Variants in HHLA2 observed in about 807,000 individuals in gnomAD.
HHLA2 encodes the protein HHLA2 member of B7 family, also known as HERV-H LTR-associating protein 2.
A neutral mutation model predicts 45.9 loss-of-function variants in HHLA2; 48 were observed. That is an observed-to-expected ratio of 1.05 (90% confidence interval 0.83 to 1.33). The LOEUF is 1.33. Among genes scored for constraint, HHLA2 ranks in the 40% most tolerant of loss-of-function variants. HHLA2 has a pLI of 0.00. For missense variants in HHLA2, 462 were observed against 494.3 expected (o/e 0.93, Z 0.62); for synonymous variants, 161 against 173.9 (o/e 0.93, Z 0.59).
chr3:108,370,768 GTT>G (rs1379987769), intron 8 of HHLA2, among the ~76,000 whole-genome samples: 2 of 152,122 alleles, frequency 1.3e-5, no homozygotes, highest in Non-Finnish European at 2.9e-5. Context: ...GAGAAGAGAA[GTT>G]TAGAGAAAAA....
chr3:108,376,582 A>G (rs1262032181), intron 10 of HHLA2, 25 bp downstream of exon 9: 1 of 1,597,586 alleles, frequency 6.3e-7, no homozygotes, highest in East Asian at 2.2e-5. Context: ...CCTTTATCAA[A>G]CCATATACAG....
intron 3 of HHLA2, among the ~76,000 whole-genome samples, chr3:108,329,724 A>T (rs1304869372): frequency 6.6e-6 from 1 of 152,120 alleles, no homozygotes; most frequent in Non-Finnish European, 1.5e-5. Flanking sequence ...GGGCGTGTTA[A>T]CTTCTGCTGC....
chr3:108,348,334 G>A (rs1425937293), intron 3 of HHLA2, among the ~76,000 whole-genome samples: 2 of 152,084 alleles, frequency 1.3e-5, no homozygotes, highest in Non-Finnish European at 2.9e-5. Flanking sequence ...AGTTAGATGA[G>A]GACAAATAAT....
intron 9 of HHLA2, 52 bp downstream of exon 8, chr3:108,375,852 T>C: frequency 3.1e-6 from 5 of 1,592,310 alleles, no homozygotes; most frequent in Non-Finnish European, 4.3e-6. Context: ...GGAGGAGCAG[T>C]CAAAAGATAT....
chr3:108,319,181 A>G (rs1446806883), intron 2 of HHLA2, among the ~76,000 whole-genome samples: 2 of 152,118 alleles, frequency 1.3e-5, no homozygotes, highest in Non-Finnish European at 2.9e-5. Flanking sequence ...CAAAGACCCT[A>G]AAAGAAACCA....
In HHLA2 at chr3:108,340,398, C is replaced by T. The variant is rs554991790; in HGVS notation, c.-26-11390C>T. Among the ~76,000 whole-genome samples, 4 of 152,294 alleles carry T rather than the reference C, an allele frequency of 2.6e-5. No homozygotes were observed. In the East Asian group the frequency reaches 7.7e-4, roughly 29 times the overall value. On this transcript the variant is annotated intron_variant, in intron 3 of 10. Transcript: ENST00000619531. ...AAAGAAATCTTCTTATTCTATAAAT[C>T]GCTCAGCATTGGTTACACATGCTCC...
At chr3:108,300,898 A>G (rs1440131883) in intron 1 of HHLA2, among the ~76,000 whole-genome samples, 1 of 152,200 alleles carries the variant, frequency 6.6e-6, no homozygotes, top group Non-Finnish European at 1.5e-5. Flanking sequence ...CTGGGAATTG[A>G]GAGTAATCAA....
chr3:108,368,154 A>T (rs1445335388), intron 8 of HHLA2, among the ~76,000 whole-genome samples: 1 of 152,134 alleles, frequency 6.6e-6, no homozygotes. Flanking sequence ...AGACAAGCAA[A>T]TGCTGAGGGA....
intron 3 of HHLA2, among the ~76,000 whole-genome samples, chr3:108,342,484 C>T (rs1409524539): frequency 2.0e-4 from 30 of 151,896 alleles, no homozygotes; most frequent in South Asian, 2.1e-4. Context: ...AGGCTGGCCT[C>T]GAACTCCTGA....
At chr3:108,325,233 A>C (rs1344661313) in intron 2 of HHLA2, among the ~76,000 whole-genome samples, 1 of 152,080 alleles carries the variant, frequency 6.6e-6, no homozygotes, top group Non-Finnish European at 1.5e-5. Flanking sequence ...GGGTGCAAAA[A>C]ACAAAAAAAA....
At chr3:108,322,906 C>G (rs1026968264) in intron 2 of HHLA2, among the ~76,000 whole-genome samples, 1 of 152,034 alleles carries the variant, frequency 6.6e-6, no homozygotes, top group Non-Finnish European at 1.5e-5. Context: ...AAAGCAGTTC[C>G]TATGTCTTTT....
intron 2 of HHLA2, chr3:108,326,052 C>A: frequency 3.3e-6 from 1 of 299,588 alleles, no homozygotes; most frequent in South Asian, 4.0e-5. Context: ...GTCATGATTT[C>A]AGTCACTTTA....
chr3:108,368,877 C>T (rs1215586422), intron 8 of HHLA2, among the ~76,000 whole-genome samples: 1 of 152,114 alleles, frequency 6.6e-6, no homozygotes, highest in Non-Finnish European at 1.5e-5. Flanking sequence ...ACTAAGCGGA[C>T]CTAATGGACA....
Position 108,308,894 on chromosome 3 carries a change from A to G in HHLA2, c.-191-1761A>G, listed in dbSNP as rs1443450149. ...CTATAGAGTTATTTGAGCTCCTTAT[A>G]TAGTCTGGTGATGAATCCCTTGTCA... On this transcript the variant is annotated intron_variant, in intron 1 of 10. Coordinates refer to ENST00000619531, the Ensembl canonical transcript of HHLA2. 3.9e-5 allele frequency among the ~76,000 whole-genome samples: 6 copies of G among 152,158 alleles called. No homozygotes were observed. The East Asian group carries it at 9.6e-4, about 24-fold the overall frequency.
chr3:108,326,002 T>C (rs2107360496), intron 2 of HHLA2: 1 of 329,000 alleles, frequency 3.0e-6, no homozygotes, highest in East Asian at 8.3e-5. Flanking sequence ...CATCAAAAGT[T>C]ATGAAAGCAA....
chr3:108,329,532 C>T (rs754610048), intron 3 of HHLA2, among the ~76,000 whole-genome samples: 29 of 152,120 alleles, frequency 1.9e-4, no homozygotes, highest in South Asian at 1.7e-3. Context: ...ATGTTTTCAG[C>T]GGGTCTAAAT....
intron 2 of HHLA2, among the ~76,000 whole-genome samples, chr3:108,318,328 C>T (rs1381925284): frequency 1.3e-5 from 2 of 152,108 alleles, no homozygotes; most frequent in Non-Finnish European, 2.9e-5. Context: ...TATAGCCAGT[C>T]ATCATCAATG....
At chr3:108,306,804 A>G (rs1472640500) in intron 1 of HHLA2, among the ~76,000 whole-genome samples, 1 of 151,828 alleles carries the variant, frequency 6.6e-6, no homozygotes, top group East Asian at 1.9e-4. Context: ...TCCATTGTAT[A>G]TATATATATT....
In HHLA2 at chr3:108,369,454, TGACAGTGGGTGCAG is replaced by T. The variant is rs535474480; in HGVS notation, c.1109-6281_1109-6268del. Among the ~76,000 whole-genome samples, 11 of 152,226 alleles carry T rather than the reference TGACAGTGGGTGCAG, an allele frequency of 7.2e-5. No individual in the cohort carries two copies. The South Asian group carries it at 2.3e-3, about 32-fold the overall frequency. ...CAGGTTCATCTCACTGGGGAGTGCCTGACAGTGGGTGCAGGACAGTGGGTGCAGTGCACCATGTG... is the reference window on the plus strand; with the variant it reads ...CAGGTTCATCTCACTGGGGAGTGCCTGACAGTGGGTGCAGTGCACCATGTG... On this transcript the variant is annotated intron_variant, in intron 8 of 10. Coordinates refer to ENST00000619531, the Ensembl canonical transcript of HHLA2.
Sources: allele counts gnomAD v4.1 joint callset (sites outside exome capture counted in the v4.1 genomes callset), GRCh38; gene constraint gnomAD v4.1.1; transcripts MANE v1.5; gene names NCBI Gene and HGNC (gene_info 2026-07-23, HGNC 2026-07-21).